FOXP1: variants seen among roughly 807,000 people sequenced by gnomAD.
The protein encoded by FOXP1 is forkhead box protein P1.
In FOXP1, 15 loss-of-function variants were observed where a neutral mutation model predicts 98.2. The observed-to-expected ratio is 0.15, with a 90% CI of 0.10 to 0.24. The LOEUF (loss-of-function observed/expected upper bound fraction) is 0.24. FOXP1 is among the 10% of genes least tolerant of loss of function. FOXP1 has a pLI of 1.00. For synonymous variants in FOXP1, 371 were observed against 314.5 expected (o/e 1.18, Z -1.90); for missense variants, 633 against 848.5 (o/e 0.75, Z 3.15).
intron 4 of FOXP1, among the ~76,000 whole-genome samples, chr3:71,313,032 G>T (rs1470738304): frequency 1.4e-5 from 2 of 148,012 alleles, no homozygotes; most frequent in Non-Finnish European, 3.0e-5. Flanking sequence ...TTGTACAATT[G>T]CACAATCACA....
intron 5 of FOXP1, among the ~76,000 whole-genome samples, chr3:71,267,124 A>AGAGAGAGTGTGTGTGTGTGTGT (rs142661368): frequency 6.7e-6 from 1 of 148,298 alleles, no homozygotes; most frequent in Non-Finnish European, 1.5e-5. Context: ...TATGGGAGAG[A>AGAGAGAGTGTGTGTGTGTGTGT]GTGTGTGTGT....
chr3:71,396,408 A>G (rs931691305), intron 3 of FOXP1, among the ~76,000 whole-genome samples: 2 of 152,076 alleles, frequency 1.3e-5, no homozygotes, highest in Non-Finnish European at 2.9e-5. Flanking sequence ...TATCATCTCC[A>G]TTTTGTAAAT....
At chr3:71,037,463 C>A (rs9859407) in intron 11 of FOXP1, among the ~76,000 whole-genome samples, 36,682 of 151,954 alleles carry the variant, frequency 0.24, 10,596 homozygotes, top group African/African-American at 0.69. Flanking sequence ...TCATATGTAC[C>A]GGTATCCCAG....
At chr3:71,196,726 G>A (rs909367841) in intron 6 of FOXP1, among the ~76,000 whole-genome samples, 3 of 152,200 alleles carry the variant, frequency 2.0e-5, no homozygotes, top group Non-Finnish European at 4.4e-5. Context: ...ACTATCTACT[G>A]CTGGGTTTTG....
chr3:71,055,592 C>A (rs1261007160), intron 7 of FOXP1, among the ~76,000 whole-genome samples: 1 of 152,156 alleles, frequency 6.6e-6, no homozygotes, highest in Non-Finnish European at 1.5e-5. Context: ...AGGGCAAACA[C>A]CAGGAAGACA....
intron 3 of FOXP1, among the ~76,000 whole-genome samples, chr3:71,391,382 T>A (rs1379139799): frequency 6.6e-6 from 1 of 152,226 alleles, no homozygotes; most frequent in South Asian, 2.1e-4. Flanking sequence ...AAAAATGAGT[T>A]TAAGAATTTG....
chr3:71,048,642 C>T (rs960650634), intron 9 of FOXP1, among the ~76,000 whole-genome samples: 11 of 152,078 alleles, frequency 7.2e-5, no homozygotes, highest in African/African-American at 2.7e-4. Flanking sequence ...CAAGTTATCA[C>T]ATTAATGTAA....
At chr3:71,108,941 C>T (rs2057678732) in intron 7 of FOXP1, among the ~76,000 whole-genome samples, 1 of 152,192 alleles carries the variant, frequency 6.6e-6, no homozygotes, top group Non-Finnish European at 1.5e-5. Context: ...CACCAACTTG[C>T]ACTTAATTAA....
intron 3 of FOXP1, among the ~76,000 whole-genome samples, chr3:71,478,263 C>T (rs755393557): frequency 6.6e-6 from 1 of 152,020 alleles, no homozygotes; most frequent in Non-Finnish European, 1.5e-5. Context: ...GCCATGGATC[C>T]GTAATACCAC....
intron 4 of FOXP1, among the ~76,000 whole-genome samples, chr3:71,325,074 ATGT>A (rs2075608820): frequency 7.7e-6 from 1 of 129,364 alleles, no homozygotes; most frequent in Non-Finnish European, 1.6e-5. Context: ...TTTTTTTGAG[ATGT>A]TGTCTTGCTG....
intron 7 of FOXP1, among the ~76,000 whole-genome samples, chr3:71,107,183 C>T (rs2057512190): frequency 6.6e-6 from 1 of 152,132 alleles, no homozygotes; most frequent in South Asian, 2.1e-4. Flanking sequence ...GTTGAAATAA[C>T]AAAAACGAAC....
intron 1 of FOXP1, chr3:71,582,756 G>C: frequency 1.0e-6 from 1 of 985,414 alleles, no homozygotes; most frequent in Non-Finnish European, 1.2e-6. Context: ...GGCCGAGCGC[G>C]CGTAGGGGTG....
At chr3:71,250,742 C>A (rs986393697) in intron 5 of FOXP1, among the ~76,000 whole-genome samples, 2 of 152,172 alleles carry the variant, frequency 1.3e-5, no homozygotes, top group Middle Eastern at 3.4e-3. Context: ...ACCAGCCTGG[C>A]CAGAATGATG....
intron 2 of FOXP1, among the ~76,000 whole-genome samples, chr3:71,511,394 G>A (rs564408620): frequency 6.6e-6 from 1 of 152,142 alleles, no homozygotes; most frequent in South Asian, 2.1e-4. Flanking sequence ...CATTCACAGA[G>A]TGCTAAATTT....
chr3:71,476,278 T>A (rs926000052), intron 3 of FOXP1, among the ~76,000 whole-genome samples: 3 of 152,184 alleles, frequency 2.0e-5, no homozygotes, highest in African/African-American at 4.8e-5. Context: ...TTTTCTTTTT[T>A]AAATATAAAT....
chr3:71,291,418 C>T (rs1294210363), intron 5 of FOXP1, among the ~76,000 whole-genome samples: 3 of 152,170 alleles, frequency 2.0e-5, no homozygotes, highest in Admixed American at 2.0e-4. Context: ...AGATTTTACA[C>T]TGCACATCCA....
Position 70,977,817 on chromosome 3 carries a change from G to A in FOXP1, c.1348+11C>T. 2 of 1,613,270 alleles carry A rather than the reference G, an allele frequency of 1.2e-6. No individual in the cohort carries two copies. The highest frequency in any genetic ancestry group is 8.5e-7 in the Non-Finnish European group (1 of 1,179,198). ...TACAACTCTACGTGAGGCAAAAGGT[G>A]GAGTATCTACCTGACGAAATGGGCA... is the stretch of plus-strand genomic sequence containing the variant. On this transcript the variant is annotated intron_variant, in intron 15 of 20. Coordinates refer to ENST00000649528, the MANE Select transcript of FOXP1 (RefSeq NM_001349338.3).
At chr3:71,056,211 CCTAAAATACTTT>C (rs1273619512) in intron 7 of FOXP1, among the ~76,000 whole-genome samples, 2 of 152,154 alleles carry the variant, frequency 1.3e-5, no homozygotes, top group Non-Finnish European at 2.9e-5. Flanking sequence ...ACATATGTCT[CCTAAAATACTTT>C]TTCCCCTTAA....
intron 2 of FOXP1, among the ~76,000 whole-genome samples, chr3:71,550,043 G>C (rs1272675909): frequency 5.9e-5 from 9 of 152,070 alleles, no homozygotes; most frequent in African/African-American, 2.2e-4. Flanking sequence ...TTGTATAAAA[G>C]TACTGCAAAC....
Sources: allele counts gnomAD v4.1 joint callset (sites outside exome capture counted in the v4.1 genomes callset), GRCh38; gene constraint gnomAD v4.1.1; transcripts MANE v1.5; gene names NCBI Gene and HGNC (gene_info 2026-07-23, HGNC 2026-07-21).